The following FRMD4B variants were observed in gnomAD, a reference collection of about 807,000 sequenced individuals.
The protein encoded by FRMD4B is FERM domain-containing protein 4B.
Under a neutral mutation model 141.5 loss-of-function variants are expected in FRMD4B, and 74 were observed. That is an observed-to-expected ratio of 0.52 (90% CI 0.43 to 0.63). The LOEUF (loss-of-function observed/expected upper bound fraction) is 0.63, where lower values mean the gene tolerates loss of function less well. Ranked by LOEUF, FRMD4B falls within the 30% of genes least tolerant of loss-of-function variation. The pLI is 0.00. For synonymous variants in FRMD4B, 506 were observed against 467.9 expected (o/e 1.08, Z -1.05); for missense variants, 1,366 against 1,253.4 (o/e 1.09, Z -1.36).
At chr3:69,205,147 C>A (rs1232470715) in intron 11 of FRMD4B, among the ~76,000 whole-genome samples, 5 of 148,474 alleles carry the variant, frequency 3.4e-5, no homozygotes, top group Admixed American at 2.0e-4. Flanking sequence ...CAGCCATTTG[C>A]GGGATAGGAC....
intron 1 of FRMD4B, among the ~76,000 whole-genome samples, chr3:69,507,080 A>G (rs1163860537): frequency 6.6e-6 from 1 of 152,182 alleles, no homozygotes; most frequent in East Asian, 1.9e-4. Flanking sequence ...TGAAGCCCCA[A>G]GATGGGCGAA....
At chr3:69,177,436 G>A (rs1199056165) in intron 21 of FRMD4B, among the ~76,000 whole-genome samples, 2 of 152,132 alleles carry the variant, frequency 1.3e-5, no homozygotes, top group Non-Finnish European at 2.9e-5. Context: ...TAACGCTTGA[G>A]CCCAGGAGTT....
Position 69,292,926 on chromosome 3 carries a change from G to A in FRMD4B, c.417-5090C>T, listed in dbSNP as rs1231331742. On this transcript the variant is annotated intron_variant, in intron 4 of 22. Transcript: ENST00000398540. The stretch of plus-strand genomic sequence containing the variant: ...AGCCCATGGTTAATTTTTCAGCTTC[G>A]GAAAGAACCCAGGCTTTTTGAATAG... 15 of 349,396 alleles carry A rather than the reference G, an allele frequency of 4.3e-5. 1 individual carries two copies. Among genetic ancestry groups the A allele is most frequent in the South Asian group, 1.1e-4 (5 of 46,482 alleles). The allele number at this position is 349,396 out of a possible 1,614,324, so 21.6% of individuals were successfully genotyped here. A position where few individuals can be genotyped will look rare whatever the true frequency, so the allele number is the denominator to read the frequency against.
intron 4 of FRMD4B, among the ~76,000 whole-genome samples, chr3:69,292,244 A>C (rs1202708940): frequency 6.6e-6 from 1 of 152,208 alleles, no homozygotes; most frequent in African/African-American, 2.4e-5. Context: ...TGAAATCCAT[A>C]GAACTAAGCA....
At chr3:69,221,200 T>C (rs1481435764) in intron 9 of FRMD4B, among the ~76,000 whole-genome samples, 2 of 152,216 alleles carry the variant, frequency 1.3e-5, no homozygotes, top group South Asian at 2.1e-4. Context: ...TGATCTCAAA[T>C]GATCCGCCCT....
chr3:69,448,047 TCAGA>T (rs1164552845), intron 1 of FRMD4B, among the ~76,000 whole-genome samples: 2 of 151,992 alleles, frequency 1.3e-5, no homozygotes, highest in African/African-American at 4.8e-5. Context: ...TTTCGTTTTT[TCAGA>T]CAGAGTCTCA....
At chr3:69,198,212 CTTTT>C (rs59627470) in intron 12 of FRMD4B, 16 of 146,122 alleles carry the variant, frequency 1.1e-4, no homozygotes, top group South Asian at 4.2e-4. Flanking sequence ...GGTAATTTGG[CTTTT>C]TTTTTTTTTT....
chr3:69,495,996 T>C (rs1450085209), intron 1 of FRMD4B, among the ~76,000 whole-genome samples: 1 of 152,218 alleles, frequency 6.6e-6, no homozygotes. Context: ...AAAAACCTTT[T>C]TGGGTCTGAC....
chr3:69,256,173 C>T (rs965768489), intron 5 of FRMD4B, among the ~76,000 whole-genome samples: 1 of 152,130 alleles, frequency 6.6e-6, no homozygotes, highest in Non-Finnish European at 1.5e-5. Flanking sequence ...TACTGCCAAG[C>T]CAACAAACAG....
chr3:69,362,703 C>CG (rs1470688453), intron 1 of FRMD4B, among the ~76,000 whole-genome samples: 1 of 63,214 alleles, frequency 1.6e-5, no homozygotes, highest in Non-Finnish European at 2.7e-5. Context: ...AAAGCCAACC[C>CG]CCCCCCCAAA....
chr3:69,540,458 C>CA (rs1227912849), intron 1 of FRMD4B, among the ~76,000 whole-genome samples: 3 of 148,134 alleles, frequency 2.0e-5, no homozygotes, highest in African/African-American at 5.0e-5. Context: ...ATTAAAAATA[C>CA]AAAAAATTAG....
chr3:69,536,882 G>A (rs1701095610), intron 1 of FRMD4B, among the ~76,000 whole-genome samples: 1 of 152,120 alleles, frequency 6.6e-6, no homozygotes, highest in Non-Finnish European at 1.5e-5. Context: ...GAGTACCTGG[G>A]ATTACAGGAA....
intron 1 of FRMD4B, among the ~76,000 whole-genome samples, chr3:69,448,789 A>T (rs1194734352): frequency 6.6e-6 from 1 of 152,250 alleles, no homozygotes; most frequent in African/African-American, 2.4e-5. Context: ...TAAAATATTC[A>T]GACTATAAAG....
At chr3:69,251,939 C>A (rs2093465862) in intron 5 of FRMD4B, among the ~76,000 whole-genome samples, 1 of 152,190 alleles carries the variant, frequency 6.6e-6, no homozygotes, top group African/African-American at 2.4e-5. Flanking sequence ...AAAAACATCA[C>A]TGGGTTTGAA....
chr3:69,195,830 T>C (rs919187063), intron 14 of FRMD4B, among the ~76,000 whole-genome samples: 1 of 152,156 alleles, frequency 6.6e-6, no homozygotes, highest in Non-Finnish European at 1.5e-5. Flanking sequence ...ATATACTTAA[T>C]GATAAGGGAT....
intron 11 of FRMD4B, among the ~76,000 whole-genome samples, chr3:69,208,708 TA>T (rs2093048289): frequency 1.3e-5 from 2 of 152,234 alleles, no homozygotes; most frequent in African/African-American, 4.8e-5. Flanking sequence ...CCATCAAAGA[TA>T]ATTACAAATT....
intron 1 of FRMD4B, chr3:69,377,211 TAGA>T (rs1286007480): frequency 6.6e-6 from 1 of 152,216 alleles, no homozygotes; most frequent in Non-Finnish European, 1.5e-5. Flanking sequence ...CCAGAAAAAG[TAGA>T]AGATTAATTT....
intron 11 of FRMD4B, among the ~76,000 whole-genome samples, chr3:69,205,059 C>CAACAAAAAAAAA (rs2093009964): frequency 8.0e-6 from 1 of 124,464 alleles, no homozygotes; most frequent in African/African-American, 3.2e-5. Flanking sequence ...ATGTTTTTAA[C>CAACAAAAAAAAA]AAAAAAAAAA....
At chr3:69,398,022 G>A (rs1259180090) in intron 2 of FRMD4B, among the ~76,000 whole-genome samples, 5 of 151,776 alleles carry the variant, frequency 3.3e-5, no homozygotes, top group Admixed American at 2.6e-4. Context: ...CTCTTGATTT[G>A]GAAAAAAATC....
Sources: gnomAD v4.1 joint callset for allele counts (sites outside exome capture counted in the v4.1 genomes callset) on GRCh38, gnomAD v4.1.1 for gene constraint, MANE v1.5 for transcripts, NCBI Gene and HGNC (gene_info 2026-07-23, HGNC 2026-07-21) for gene names.